Variants in WDFY2 observed in about 807,000 individuals in gnomAD.
The protein encoded by WDFY2 is WD repeat and FYVE domain containing 2, also known as WD repeat and FYVE domain-containing protein 2.
A neutral mutation model predicts 56.4 loss-of-function variants in WDFY2; 36 were observed. The observed-to-expected ratio is 0.64, with a 90% CI of 0.49 to 0.84. The LOEUF (loss-of-function observed/expected upper bound fraction) is 0.84, where lower values mean the gene tolerates loss of function less well. Among genes scored for constraint, WDFY2 ranks in the 40% least tolerant of loss-of-function variants. The pLI is 0.00. For synonymous variants in WDFY2, 176 were observed against 183.7 expected (o/e 0.96, Z 0.34); for missense variants, 444 against 512.2 (o/e 0.87, Z 1.29).
intron 1 of WDFY2, among the ~76,000 whole-genome samples, chr13:51,625,476 G>A (rs548505107): frequency 6.6e-6 from 1 of 152,272 alleles, no homozygotes; most frequent in South Asian, 2.1e-4. Context: ...AAGAGAAAAG[G>A]TAAATCTGTT....
In WDFY2 at chr13:51,760,365, G is replaced by C. The variant is rs1326061656; in HGVS notation, c.*596G>C. 1 of 152,088 alleles carries C rather than the reference G, an allele frequency of 6.6e-6. No homozygotes were observed. Among genetic ancestry groups the C allele is most frequent in the South Asian group, 2.1e-4 (1 of 4,832 alleles). 9.4% of individuals were successfully genotyped at this position (152,088 alleles called of 1,614,324 possible). A position where few individuals can be genotyped will look rare whatever the true frequency, so the allele number is the denominator to read the frequency against. ...CAGCTGCTGGAATTGCCTGAAGAGC[G>C]ATTTGTTTGTAATGTCTGCCTCATT... On this transcript the variant is annotated 3_prime_UTR_variant, in exon 12 of 12. Coordinates refer to ENST00000298125, the MANE Select transcript of WDFY2 (RefSeq NM_052950.4).
At chr13:51,602,898 T>C (rs1334161565) in intron 1 of WDFY2, among the ~76,000 whole-genome samples, 1 of 152,170 alleles carries the variant, frequency 6.6e-6, no homozygotes, top group Non-Finnish European at 1.5e-5. Context: ...TTTTGTATCC[T>C]GTAAAAGTGT....
chr13:51,734,407 A>T (rs559080464), intron 6 of WDFY2, among the ~76,000 whole-genome samples: 2 of 152,228 alleles, frequency 1.3e-5, no homozygotes, highest in East Asian at 3.8e-4. Context: ...GTTGAGAAAA[A>T]TCTAAAAATA....
At chr13:51,740,328 AG>A (rs2138690782) in intron 7 of WDFY2, among the ~76,000 whole-genome samples, 1 of 152,352 alleles carries the variant, frequency 6.6e-6, no homozygotes, top group Non-Finnish European at 1.5e-5. Context: ...TCAGTTCATT[AG>A]AGGAATCATT....
At chr13:51,725,968 C>T (rs879815003) in intron 5 of WDFY2, among the ~76,000 whole-genome samples, 1 of 152,136 alleles carries the variant, frequency 6.6e-6, no homozygotes, top group Non-Finnish European at 1.5e-5. Context: ...AGCCACTGTG[C>T]CTGGCCACAA....
At position 51,690,834 on chromosome 13, in the gene WDFY2, A is replaced by T. The variant is rs867540270; in HGVS notation, c.280-12762A>T. On this transcript the variant is annotated intron_variant, in intron 3 of 11. Coordinates refer to ENST00000298125, the MANE Select transcript of WDFY2 (RefSeq NM_052950.4). ...CCAACAGTGTAAAAGTGTTCCTATTACTCCACACCCTCTCCAGCACCTGTT... is the reference window on the plus strand; with the variant it reads ...CCAACAGTGTAAAAGTGTTCCTATTTCTCCACACCCTCTCCAGCACCTGTT... 4.8e-3 allele frequency among the ~76,000 whole-genome samples: 728 copies of T among 152,054 alleles called. 5 individuals are homozygous for T. Among genetic ancestry groups the T allele is most frequent in the African/African-American group, 0.014 (563 of 41,460 alleles).
chr13:51,700,269 A>G (rs1951955362), intron 3 of WDFY2, among the ~76,000 whole-genome samples: 1 of 152,226 alleles, frequency 6.6e-6, no homozygotes, highest in African/African-American at 2.4e-5. Context: ...TACAGTGAGC[A>G]TTAAAAACTA....
In WDFY2 at chr13:51,765,541, C is replaced by T. The variant is rs1006300065; in HGVS notation, c.*5772C>T. ...AATTTGATCATCATTCTTAAAGTCCCTTCCAATCCTGTGATTCTCTGATTC... is the reference window on the plus strand; with the variant it reads ...AATTTGATCATCATTCTTAAAGTCCTTTCCAATCCTGTGATTCTCTGATTC... On this transcript the variant is annotated 3_prime_UTR_variant, in exon 12 of 12. Transcript: ENST00000298125. The T allele has an allele frequency of 5.3e-5, 8 of 152,182 alleles. No homozygotes were observed. Among genetic ancestry groups the T allele is most frequent in the African/African-American group, 1.9e-4 (8 of 41,432 alleles). 9.4% of individuals were successfully genotyped at this position (152,182 alleles called of 1,614,324 possible). A position where few individuals can be genotyped will look rare whatever the true frequency, so the allele number is the denominator to read the frequency against.
Position 51,680,616 on chromosome 13 carries a change from G to A in WDFY2, c.279+5373G>A, listed in dbSNP as rs115049427. 8.5e-3 allele frequency among the ~76,000 whole-genome samples: 1,297 copies of A among 152,306 alleles called. 16 individuals are homozygous for A. The highest frequency in any genetic ancestry group is 0.029 in the African/African-American group (1,224 of 41,572). On this transcript the variant is annotated intron_variant, in intron 3 of 11. Coordinates refer to ENST00000298125, the MANE Select transcript of WDFY2 (RefSeq NM_052950.4). Reference sequence around the variant, plus strand: ...GTGTTTCCCTAACAGTGTTAGAGCAGTTGATTTGGAAACAGTTTTCTCAAT... The same window carrying A: ...GTGTTTCCCTAACAGTGTTAGAGCAATTGATTTGGAAACAGTTTTCTCAAT...
intron 1 of WDFY2, among the ~76,000 whole-genome samples, chr13:51,657,122 T>G (rs1169410304): frequency 6.6e-6 from 1 of 152,106 alleles, no homozygotes; most frequent in East Asian, 1.9e-4. Context: ...CCCTTATTTT[T>G]CTCTTCTGTA....
chr13:51,709,145 C>T (rs1409591996), intron 4 of WDFY2, among the ~76,000 whole-genome samples: 2 of 152,060 alleles, frequency 1.3e-5, no homozygotes, highest in South Asian at 2.1e-4. Flanking sequence ...TTGAACAAAA[C>T]AGTCAACAAA....
chr13:51,633,403 C>T (rs1954990100), intron 1 of WDFY2, among the ~76,000 whole-genome samples: 1 of 152,240 alleles, frequency 6.6e-6, no homozygotes, highest in Non-Finnish European at 1.5e-5. Flanking sequence ...TGTTCAACTT[C>T]TGAGCCCCAG....
At chr13:51,629,405 G>A (rs1010723405) in intron 1 of WDFY2, among the ~76,000 whole-genome samples, 2 of 152,150 alleles carry the variant, frequency 1.3e-5, no homozygotes, top group Non-Finnish European at 2.9e-5. Flanking sequence ...AAAAGAGGAT[G>A]TTATTTGGGT....
chr13:51,658,355 G>C (rs1417869306), intron 1 of WDFY2, among the ~76,000 whole-genome samples: 1 of 152,188 alleles, frequency 6.6e-6, no homozygotes, highest in African/African-American at 2.4e-5. Flanking sequence ...TCAGCCCTAA[G>C]GGTTTGAAAC....
At chr13:51,677,657 TAGAC>T (rs1460992989) in intron 3 of WDFY2, among the ~76,000 whole-genome samples, 8 of 152,144 alleles carry the variant, frequency 5.3e-5, no homozygotes, top group African/African-American at 2.4e-5. Context: ...TTGTGTAAGA[TAGAC>T]AGTTAAACTT....
chr13:51,739,615 G>C (rs1162148013), intron 7 of WDFY2, among the ~76,000 whole-genome samples: 2 of 152,214 alleles, frequency 1.3e-5, no homozygotes, highest in Non-Finnish European at 2.9e-5. Context: ...TTTTGTACTT[G>C]ACCAAATATT....
chr13:51,620,797 G>A (rs1488668756), intron 1 of WDFY2, among the ~76,000 whole-genome samples: 1 of 152,132 alleles, frequency 6.6e-6, no homozygotes, highest in Non-Finnish European at 1.5e-5. Context: ...GGGAAGTGTG[G>A]CAGAACCCCT....
At chr13:51,686,896 C>G (rs1411367053) in intron 3 of WDFY2, among the ~76,000 whole-genome samples, 1 of 151,612 alleles carries the variant, frequency 6.6e-6, no homozygotes, top group African/African-American at 2.4e-5. Flanking sequence ...GGTAATTGCA[C>G]ATATTTTCAT....
intron 1 of WDFY2, among the ~76,000 whole-genome samples, chr13:51,631,331 C>T (rs1954948167): frequency 6.7e-6 from 1 of 149,464 alleles, no homozygotes; most frequent in Admixed American, 6.7e-5. Context: ...TTTCAGTCAG[C>T]AGTGAGCCAT....
Sources: allele counts gnomAD v4.1 joint callset (sites outside exome capture counted in the v4.1 genomes callset), GRCh38; gene constraint gnomAD v4.1.1; transcripts MANE v1.5; gene names NCBI Gene and HGNC (gene_info 2026-07-23, HGNC 2026-07-21).